BCAR3: variants seen among roughly 807,000 people sequenced by gnomAD.
BCAR3 encodes the protein BCAR3 adaptor protein, NSP family member.
In BCAR3, 37 loss-of-function variants were observed where a neutral mutation model predicts 80.1. The observed-to-expected ratio is 0.46, with a 90% CI of 0.36 to 0.61. BCAR3 has a LOEUF of 0.61. Among genes scored for constraint, BCAR3 ranks in the 20% least tolerant of loss-of-function variants. The pLI, the probability that BCAR3 is intolerant of heterozygous loss-of-function variation, is 0.00. For synonymous variants in BCAR3, 389 were observed against 418.9 expected (o/e 0.93, Z 0.87); for missense variants, 978 against 1,068.2 (o/e 0.92, Z 1.18).
intron 5 of BCAR3, chr1:93,585,048 G>C: frequency 1.0e-6 from 1 of 985,408 alleles, no homozygotes; most frequent in African/African-American, 1.7e-5. Flanking sequence ...GCAACCTTTC[G>C]AAGATAAGAC....
chr1:93,748,142 C>T (rs1315145940), intron 2 of BCAR3, among the ~76,000 whole-genome samples: 1 of 152,094 alleles, frequency 6.6e-6, no homozygotes, highest in East Asian at 1.9e-4. Context: ...TAGTGAATGC[C>T]CACTCAATAT....
chr1:93,684,030 G>A (rs557598130), upstream of BCAR3, among the ~76,000 whole-genome samples: 22 of 152,266 alleles, frequency 1.4e-4, no homozygotes, highest in Non-Finnish European at 2.5e-4. Context: ...GCATCCTTTA[G>A]AATGAGTACC....
At chr1:93,583,066 T>C in intron 6 of BCAR3, 113 bp from the exon 7 acceptor site, 1 of 1,236,644 alleles carries the variant, frequency 8.1e-7, no homozygotes, top group Non-Finnish European at 1.1e-6. Context: ...GGCTTCAATT[T>C]TCATTTTCAT....
chr1:93,669,651 G>C (rs1285800354), intron 2 of BCAR3, among the ~76,000 whole-genome samples: 1 of 152,172 alleles, frequency 6.6e-6, no homozygotes, highest in Non-Finnish European at 1.5e-5. Context: ...GACCTGAATG[G>C]TATCCAAGCA....
chr1:93,606,808 A>AG (rs2101873531), intron 3 of BCAR3, among the ~76,000 whole-genome samples: 1 of 152,358 alleles, frequency 6.6e-6, no homozygotes, highest in African/African-American at 2.4e-5. Flanking sequence ...AGAAGACAGT[A>AG]GGACTGGACA....
intron 2 of BCAR3, among the ~76,000 whole-genome samples, chr1:93,806,677 A>T (rs1571141112): frequency 6.6e-6 from 1 of 152,332 alleles, no homozygotes; most frequent in African/African-American, 2.4e-5. Flanking sequence ...AGAATCAGAA[A>T]GATGAGGCTG....
At chr1:93,689,968 C>A (rs1169351893) in intron 3 of BCAR3, among the ~76,000 whole-genome samples, 1 of 152,162 alleles carries the variant, frequency 6.6e-6, no homozygotes, top group African/African-American at 2.4e-5. Flanking sequence ...CCTGTACATA[C>A]TAAGATAAAC....
At chr1:93,617,723 T>C (rs1280256046) in intron 3 of BCAR3, among the ~76,000 whole-genome samples, 4 of 152,302 alleles carry the variant, frequency 2.6e-5, no homozygotes, top group African/African-American at 4.8e-5. Context: ...AGCCAGGGCA[T>C]GAGGCTGATG....
chr1:93,805,959 G>A (rs1444792180), intron 2 of BCAR3, among the ~76,000 whole-genome samples: 1 of 151,918 alleles, frequency 6.6e-6, no homozygotes, highest in Non-Finnish European at 1.5e-5. Context: ...TAAAAATATG[G>A]TTTCCAAAAT....
chr1:93,718,688 CTTTTTTTTTTTTTTTT>C (rs71094259), intron 2 of BCAR3, among the ~76,000 whole-genome samples: 2 of 77,042 alleles, frequency 2.6e-5, no homozygotes, highest in South Asian at 1.1e-3. Flanking sequence ...CATTGTTTTT[CTTTTTTTTTTTTTTTT>C]TTTTTTTTGA....
intron 2 of BCAR3, among the ~76,000 whole-genome samples, chr1:93,790,810 G>A (rs1286379778): frequency 7.4e-5 from 5 of 67,140 alleles, no homozygotes; most frequent in Non-Finnish European, 1.1e-4. Flanking sequence ...CCCCTCCCCC[G>A]ACCCCACCAC....
intron 3 of BCAR3, among the ~76,000 whole-genome samples, chr1:93,629,918 G>A (rs553417362): frequency 6.6e-6 from 1 of 152,342 alleles, no homozygotes; most frequent in African/African-American, 2.4e-5. Flanking sequence ...GAGGTTAGGT[G>A]CGGGAACCTC....
At chr1:93,776,652 C>T (rs1652562655) in intron 2 of BCAR3, among the ~76,000 whole-genome samples, 2 of 152,204 alleles carry the variant, frequency 1.3e-5, no homozygotes, top group South Asian at 4.1e-4. Flanking sequence ...GAGTTTCCCA[C>T]ATTCTGGATC....
intron 2 of BCAR3, among the ~76,000 whole-genome samples, chr1:93,818,059 A>G (rs1046546840): frequency 6.6e-6 from 1 of 152,204 alleles, no homozygotes; most frequent in African/African-American, 2.4e-5. Flanking sequence ...AGTGTTAACC[A>G]CGTGCCACTT....
At chr1:93,647,245 GCTCTAAACATGAATGCCC>G (rs995381515) in intron 2 of BCAR3, among the ~76,000 whole-genome samples, 1 of 152,096 alleles carries the variant, frequency 6.6e-6, no homozygotes, top group Non-Finnish European at 1.5e-5. Flanking sequence ...GTGAATTTTT[GCTCTAAACATGAATGCCC>G]CTCCCACAGA....
chr1:93,689,334 A>G (rs1213114903), intron 3 of BCAR3, among the ~76,000 whole-genome samples: 1 of 152,080 alleles, frequency 6.6e-6, no homozygotes, highest in Non-Finnish European at 1.5e-5. Flanking sequence ...AAAAATACAA[A>G]AATTAGTGCT....
intron 2 of BCAR3, among the ~76,000 whole-genome samples, chr1:93,831,164 T>A (rs61782413): frequency 6.6e-6 from 1 of 152,134 alleles, no homozygotes; most frequent in South Asian, 2.1e-4. Flanking sequence ...GATGCCTACC[T>A]TGGTCATTCA....
At chr1:93,570,440 A>C (rs1673165808) in intron 9 of BCAR3, among the ~76,000 whole-genome samples, 1 of 152,216 alleles carries the variant, frequency 6.6e-6, no homozygotes, top group South Asian at 2.1e-4. Flanking sequence ...GGAGAACAGA[A>C]GTGGGAGTGC....
Position 93,835,863 on chromosome 1 carries a change from G to T in BCAR3, c.-63+9704C>A, listed in dbSNP as rs533819431. ...GGTAAAGGCCTTTCCCACAGGGTCT[G>T]AGAAGGCCACCGCGGTCATTTCTTC... On this transcript the variant is annotated intron_variant, in intron 2 of 13. Coordinates refer to the BCAR3 transcript ENST00000370244. 6.6e-5 allele frequency among the ~76,000 whole-genome samples: 10 copies of T among 152,294 alleles called. No homozygotes were observed. In the South Asian group the frequency reaches 1.9e-3, roughly 28 times the overall value.
Sources: gnomAD v4.1 joint callset for allele counts (sites outside exome capture counted in the v4.1 genomes callset) on GRCh38, gnomAD v4.1.1 for gene constraint, MANE v1.5 for transcripts, NCBI Gene and HGNC (gene_info 2026-07-23, HGNC 2026-07-21) for gene names.